CCDC146: variants seen among roughly 807,000 people sequenced by gnomAD.
The protein encoded by CCDC146 is coiled-coil domain-containing protein 146.
CCDC146 carries 92 observed loss-of-function variants against 119.3 expected under a neutral mutation model. That is an observed-to-expected ratio of 0.77 (90% CI 0.65 to 0.92). The LOEUF (loss-of-function observed/expected upper bound fraction) is 0.92, where lower values mean the gene tolerates loss of function less well. CCDC146 is among the 40% of genes least tolerant of loss of function. CCDC146 has a pLI of 0.00. For synonymous variants in CCDC146, 372 were observed against 371.8 expected (o/e 1.00, Z -0.01); for missense variants, 1,000 against 1,103.0 (o/e 0.91, Z 1.32).
intron 2 of CCDC146, among the ~76,000 whole-genome samples, chr7:77,186,508 G>A (rs1450267709): frequency 1.3e-5 from 2 of 151,984 alleles, no homozygotes; most frequent in South Asian, 2.1e-4. Flanking sequence ...AGTGGGGAGG[G>A]CAGGGGGTAA....
intron 1 of CCDC146, among the ~76,000 whole-genome samples, chr7:77,165,418 G>A (rs1479525520): frequency 6.6e-6 from 1 of 151,882 alleles, no homozygotes. Flanking sequence ...GATAGGCCAG[G>A]CAGCAGTGTG....
rs573749734 is a variant in CCDC146 at position 77,147,168 on chromosome 7, A to C, written c.-11-20490A>C. On this transcript the variant is annotated intron_variant, in intron 1 of 18. Coordinates refer to ENST00000285871, the MANE Select transcript of CCDC146 (RefSeq NM_020879.3). ...ACTTCATTTCATTCATTTGATCTTC[A>C]ATCACTGATACCCTTTCTTCCAGTT... 2.0e-4 allele frequency among the ~76,000 whole-genome samples: 31 copies of C among 152,206 alleles called. 1 individual carries two copies. The highest frequency in any genetic ancestry group is 7.2e-4 in the African/African-American group (30 of 41,524).
intron 2 of CCDC146, among the ~76,000 whole-genome samples, chr7:77,235,784 T>C (rs1386596192): frequency 6.6e-6 from 1 of 152,024 alleles, no homozygotes; most frequent in African/African-American, 2.4e-5. Flanking sequence ...ATAAGCACTT[T>C]AGAGGTAAGG....
chr7:77,198,832 C>T (rs189014926), intron 2 of CCDC146: 18 of 299,268 alleles, frequency 6.0e-5, no homozygotes, highest in African/African-American at 1.5e-4. Context: ...TTGTGAACAT[C>T]GCCTTATCTT....
intron 2 of CCDC146, among the ~76,000 whole-genome samples, chr7:77,230,289 TTTAA>T (rs1792600408): frequency 6.6e-6 from 1 of 152,222 alleles, no homozygotes; most frequent in Admixed American, 6.5e-5. Flanking sequence ...ATATCTTCAA[TTTAA>T]TTGAGTACAC....
chr7:77,248,964 G>A (rs943030686), intron 4 of CCDC146, among the ~76,000 whole-genome samples: 1 of 151,934 alleles, frequency 6.6e-6, no homozygotes, highest in Non-Finnish European at 1.5e-5. Context: ...ATGATGACTG[G>A]CTTTTAGAAA....
chr7:77,291,326 C>A (rs992498377), intron 17 of CCDC146, among the ~76,000 whole-genome samples: 3 of 151,666 alleles, frequency 2.0e-5, no homozygotes, highest in African/African-American at 7.3e-5. Context: ...AGTTTTACTT[C>A]TTTCCTGACT....
At chr7:77,140,961 G>A (rs1400027590) in intron 1 of CCDC146, among the ~76,000 whole-genome samples, 1 of 151,838 alleles carries the variant, frequency 6.6e-6, no homozygotes, top group African/African-American at 2.4e-5. Context: ...GGATACATGT[G>A]CAGAATGTGC....
chr7:77,199,218 T>A (rs1238968901), intron 2 of CCDC146: 2 of 1,613,918 alleles, frequency 1.2e-6, no homozygotes, highest in Admixed American at 3.3e-5. Context: ...TGGGACACTT[T>A]GAACATTTGC....
At chr7:77,271,566 A>ATATATATATC (rs1441030994) in intron 9 of CCDC146, among the ~76,000 whole-genome samples, 3 of 73,762 alleles carry the variant, frequency 4.1e-5, no homozygotes, top group African/African-American at 1.4e-4. Flanking sequence ...ATATATATAT[A>ATATATATATC]TATGGAGATA....
chr7:77,185,324 A>G (rs1440388052), intron 2 of CCDC146, among the ~76,000 whole-genome samples: 1 of 152,216 alleles, frequency 6.6e-6, no homozygotes, highest in East Asian at 1.9e-4. Flanking sequence ...TGAATGGGAC[A>G]GAAATATAAG....
intron 2 of CCDC146, among the ~76,000 whole-genome samples, chr7:77,232,212 T>A (rs1792644212): frequency 6.6e-6 from 1 of 152,212 alleles, no homozygotes; most frequent in Non-Finnish European, 1.5e-5. Flanking sequence ...CCAGTAAGGT[T>A]TTCATCCTTT....
At chr7:77,159,583 T>C (rs1359338377) in intron 1 of CCDC146, among the ~76,000 whole-genome samples, 2 of 152,362 alleles carry the variant, frequency 1.3e-5, no homozygotes, top group Admixed American at 6.5e-5. Flanking sequence ...TAAATAGTGA[T>C]GAAATGAACG....
intron 2 of CCDC146, among the ~76,000 whole-genome samples, chr7:77,170,915 A>G (rs530985970): frequency 5.3e-5 from 8 of 152,296 alleles, no homozygotes; most frequent in African/African-American, 1.7e-4. Flanking sequence ...GTCAAAAACA[A>G]TGGATGCTGG....
At chr7:77,263,063 T>C (rs550826805) in intron 9 of CCDC146, among the ~76,000 whole-genome samples, 4 of 152,314 alleles carry the variant, frequency 2.6e-5, no homozygotes, top group Admixed American at 2.6e-4. Context: ...ACTGTCATGC[T>C]CCAGAACCTT....
At chr7:77,199,585 T>G in intron 2 of CCDC146, 1 of 1,614,164 alleles carries the variant, frequency 6.2e-7, no homozygotes, top group Non-Finnish European at 8.5e-7. Flanking sequence ...GCTGAATTGC[T>G]TCGGGAGCTG....
intron 2 of CCDC146, among the ~76,000 whole-genome samples, chr7:77,175,818 G>A (rs1047087682): frequency 6.6e-6 from 1 of 151,200 alleles, no homozygotes; most frequent in Non-Finnish European, 1.5e-5. Context: ...TTGGTTTTGA[G>A]CACCTCCTGT....
intron 2 of CCDC146, among the ~76,000 whole-genome samples, chr7:77,208,838 G>T (rs771060770): frequency 6.6e-6 from 1 of 152,194 alleles, no homozygotes; most frequent in African/African-American, 2.4e-5. Context: ...TTCCCAAGTA[G>T]CTGGCACTGC....
chr7:77,155,858 G>A (rs1159363128), intron 1 of CCDC146, among the ~76,000 whole-genome samples: 2 of 152,064 alleles, frequency 1.3e-5, no homozygotes, highest in East Asian at 1.9e-4. Flanking sequence ...GCCCCATCAT[G>A]AGCCCACATG....
Sources: gnomAD v4.1 joint callset for allele counts (sites outside exome capture counted in the v4.1 genomes callset) on GRCh38, gnomAD v4.1.1 for gene constraint, MANE v1.5 for transcripts, NCBI Gene and HGNC (gene_info 2026-07-23, HGNC 2026-07-21) for gene names.